VAMP3: variants seen among roughly 807,000 people sequenced by gnomAD.
VAMP3 encodes the protein vesicle-associated membrane protein 3.
VAMP3 carries 11 observed loss-of-function variants against 18.1 expected under a neutral mutation model. The ratio of observed to expected loss-of-function variants is 0.61; its 90% CI spans 0.38 to 1.00. VAMP3 has a LOEUF of 1.00. Among genes scored for constraint, VAMP3 ranks in the 50% least tolerant of loss-of-function variants. VAMP3 has a pLI of 0.01. For synonymous variants in VAMP3, 49 were observed against 43.1 expected (o/e 1.14, Z -0.53); for missense variants, 122 against 127.3 (o/e 0.96, Z 0.20).
At chr1:7,772,085 G>A (rs1008755630) in intron 1 of VAMP3, among the ~76,000 whole-genome samples, 6 of 152,216 alleles carry the variant, frequency 3.9e-5, no homozygotes, top group Non-Finnish European at 7.3e-5. Context: ...CAGTGGTTAA[G>A]ATCTAGAGCC....
chr1:7,777,440 A>C (rs2097054848), intron 3 of VAMP3, 122 bp downstream of exon 3: 35 of 1,244,474 alleles, frequency 2.8e-5, no homozygotes, highest in Non-Finnish European at 3.7e-5. Flanking sequence ...TCCACATGGA[A>C]ATGTGGGTCC....
At chr1:7,777,641 G>T (rs2097054940) in intron 3 of VAMP3, among the ~76,000 whole-genome samples, 1 of 152,202 alleles carries the variant, frequency 6.6e-6, no homozygotes, top group African/African-American at 2.4e-5. Flanking sequence ...GAATTGGTCA[G>T]TTTTCTCGTA....
At chr1:7,777,989 TATTA>T (rs766409593) in intron 3 of VAMP3, 125 bp from the exon 4 acceptor site, 31 of 940,488 alleles carry the variant, frequency 3.3e-5, no homozygotes, top group South Asian at 5.0e-5. Flanking sequence ...CTTTAGAAAT[TATTA>T]ATTACTCCAG....
In VAMP3 at chr1:7,780,499, C is replaced by T. The variant is rs1193574785; in HGVS notation, c.*854C>T. On this transcript the variant is annotated 3_prime_UTR_variant, in exon 5 of 5. Coordinates refer to ENST00000054666, the MANE Select transcript of VAMP3 (RefSeq NM_004781.4). ...TTGAAAGGCTGTAGACAGTGTGGCT[C>T]CCCTTCTGATTCAGTATTTTGCATG... 2.0e-5 allele frequency: 3 copies of T among 152,596 alleles called. No homozygotes were observed. The highest frequency in any genetic ancestry group is 2.9e-5 in the Non-Finnish European group (2 of 68,030). The allele number at this position is 152,596 out of a possible 1,614,324, so 9.5% of individuals were successfully genotyped here. A position where few individuals can be genotyped will look rare whatever the true frequency, so the allele number is the denominator to read the frequency against.
At chr1:7,779,084 A>G (rs573791867) in intron 4 of VAMP3, among the ~76,000 whole-genome samples, 1 of 152,174 alleles carries the variant, frequency 6.6e-6, no homozygotes, top group South Asian at 2.1e-4. Flanking sequence ...AGTCCCAGCT[A>G]CTGGGGAGGC....
rs1558355264 is a variant in VAMP3 at position 7,781,268 on chromosome 1, C to A, written c.*1623C>A. The A allele has an allele frequency of 1.3e-5, 2 of 152,848 alleles. No individual in the cohort carries two copies. Among genetic ancestry groups the A allele is most frequent in the African/African-American group, 2.4e-5 (1 of 41,454 alleles). 9.5% of individuals were successfully genotyped at this position (152,848 alleles called of 1,614,324 possible). ...TCCACCTTCAGCGCAGGGTCTCTGG[C>A]CGGGTCTGACTCAGAAACCTTGGTA... is the stretch of plus-strand genomic sequence containing the variant. On this transcript the variant is annotated 3_prime_UTR_variant, in exon 5 of 5. Coordinates refer to ENST00000054666, the MANE Select transcript of VAMP3 (RefSeq NM_004781.4).
rs548677875 is a variant in VAMP3 at position 7,775,329 on chromosome 1, AT to A, written c.73-1823del. Among the ~76,000 whole-genome samples the A allele has an allele frequency of 2.7e-3, 405 of 151,140 alleles. 1 individual carries two copies. Among genetic ancestry groups the A allele is most frequent in the African/African-American group, 8.7e-3 (357 of 41,222 alleles). On this transcript the variant is annotated intron_variant, in intron 2 of 4. Coordinates refer to ENST00000054666, the MANE Select transcript of VAMP3 (RefSeq NM_004781.4). The stretch of plus-strand genomic sequence containing the variant: ...TCCCATTCTGTGGCTTGTCTTTTAC[AT>A]TTTTTTTATTTTTTTTATTTTTATT...
chr1:7,775,847 C>T (rs922522646), intron 2 of VAMP3, among the ~76,000 whole-genome samples: 1 of 152,102 alleles, frequency 6.6e-6, no homozygotes, highest in African/African-American at 2.4e-5. Flanking sequence ...TTTTGAGTTA[C>T]TTTTTGTATA....
At position 7,773,203 on chromosome 1, in the gene VAMP3, G is replaced by A. The variant is rs1577563396; in HGVS notation, c.3-239G>A. The A allele has an allele frequency of 8.0e-6, 4 of 502,788 alleles. No individual in the cohort carries two copies. In the East Asian group the frequency reaches 1.0e-4, roughly 13 times the overall value. The allele number at this position is 502,788 out of a possible 1,614,324, so 31.1% of individuals were successfully genotyped here. The stretch of plus-strand genomic sequence containing the variant: ...CAGATACTTCAGGGATACAAAGTAG[G>A]TCCTATTAAAGCTTAACATTTGTCC... On this transcript the variant is annotated intron_variant, in intron 1 of 4. Transcript: ENST00000054666.
Position 7,779,745 on chromosome 1 carries a change from AT to A in VAMP3, c.*108del, listed in dbSNP as rs998810170. 66 of 1,527,114 alleles carry A rather than the reference AT, an allele frequency of 4.3e-5. No individual in the cohort carries two copies. The highest frequency in any genetic ancestry group is 7.2e-5 in the South Asian group (6 of 83,888). 94.6% of individuals were successfully genotyped at this position (1,527,114 alleles called of 1,614,324 possible). ...AAGCTTACCTACTGTTATCTCTAAAATTTTTTTTGTGTTAATGTAAAGTTGA... is the reference window on the plus strand; with the variant it reads ...AAGCTTACCTACTGTTATCTCTAAAATTTTTTTGTGTTAATGTAAAGTTGA... On this transcript the variant is annotated 3_prime_UTR_variant, in exon 5 of 5. Transcript: ENST00000054666.
Position 7,778,147 on chromosome 1 carries a change from T to C in VAMP3, c.261T>C (p.Val87=), listed in dbSNP as rs1384949370. The part of the protein sequence containing the change: ...KMWAIGITVL[V]IFIIIIIVWV... The stretch of plus-strand genomic sequence containing the variant: ...GGGCAATCGGGATTACTGTTCTGGT[T>C]ATCTTCATCATCATCATCATCGGTG... The change falls in exon 4 of 5, where the codon GTT becomes GTC. Residue 87 remains valine, a synonymous_variant. Transcript: ENST00000054666. 1 of 1,614,246 alleles carries C rather than the reference T, an allele frequency of 6.2e-7. No homozygotes were observed. Among genetic ancestry groups the C allele is most frequent in the South Asian group, 1.1e-5 (1 of 91,082 alleles).
At chr1:7,774,553 C>T (rs1310439383) in intron 2 of VAMP3, among the ~76,000 whole-genome samples, 1 of 152,200 alleles carries the variant, frequency 6.6e-6, no homozygotes, top group Non-Finnish European at 1.5e-5. Context: ...ATTTAGTAAT[C>T]ATTCACTATT....
Position 7,777,186 on chromosome 1 carries a change from G to C in VAMP3, c.99G>C (p.Val33=). Residue 33 remains valine, a synonymous_variant, in exon 3 of 5, where the codon GTG becomes GTC. Coordinates refer to ENST00000054666, the MANE Select transcript of VAMP3 (RefSeq NM_004781.4). ...TGGTGGACATAATGCGAGTTAACGT[G>C]GACAAGGTTCTGGAAAGAGACCAGA... ...DEVVDIMRVN[V]DKVLERDQKL... is the part of the protein sequence containing the mutation. 7 of 1,613,176 alleles carry C rather than the reference G, an allele frequency of 4.3e-6. No individual in the cohort carries two copies. The highest frequency in any genetic ancestry group is 5.9e-6 in the Non-Finnish European group (7 of 1,179,610).
At chr1:7,775,864 G>A (rs531847231) in intron 2 of VAMP3, among the ~76,000 whole-genome samples, 3 of 152,312 alleles carry the variant, frequency 2.0e-5, no homozygotes, top group Admixed American at 2.0e-4. Context: ...TATATAGGGT[G>A]AGGTGGGGAT....
chr1:7,778,360 G>A lies in VAMP3; in HGVS notation c.283+191G>A, dbSNP rs186584801. Among the ~76,000 whole-genome samples, 120 of 152,142 alleles carry A rather than the reference G, an allele frequency of 7.9e-4. 1 individual carries two copies. The highest frequency in any genetic ancestry group is 2.5e-3 in the African/African-American group (105 of 41,506). On this transcript the variant is annotated intron_variant, in intron 4 of 4. Transcript: ENST00000054666. ...TTGAGACCAGCCTGGGCAACATAGC[G>A]TCTCTACAAACAATTGTTAATAATT...
intron 2 of VAMP3, among the ~76,000 whole-genome samples, chr1:7,775,615 C>A (rs556225557): frequency 6.6e-6 from 1 of 152,324 alleles, no homozygotes; most frequent in South Asian, 2.1e-4. Flanking sequence ...TCCCAAAGTG[C>A]TGGGAATATA....
intron 4 of VAMP3, among the ~76,000 whole-genome samples, chr1:7,779,384 A>G (rs539999280): frequency 2.6e-5 from 4 of 152,204 alleles, no homozygotes; most frequent in Admixed American, 6.5e-5. Context: ...GACTTCTTTC[A>G]TTGATAGATG....
At chr1:7,773,558 T>G (rs779729815) in intron 2 of VAMP3, 47 bp downstream of exon 2, 12 of 1,516,066 alleles carry the variant, frequency 7.9e-6, no homozygotes, top group Admixed American at 1.7e-5. Context: ...CAAATATGAG[T>G]ACTCTGGAAA....
At chr1:7,779,026 T>A (rs1235259030) in intron 4 of VAMP3, among the ~76,000 whole-genome samples, 7 of 152,106 alleles carry the variant, frequency 4.6e-5, no homozygotes, top group Admixed American at 3.3e-4. Context: ...AAACCCCGTC[T>A]CTACTAAAAA....
Sources: allele counts gnomAD v4.1 joint callset (sites outside exome capture counted in the v4.1 genomes callset), GRCh38; gene constraint gnomAD v4.1.1; transcripts MANE v1.5; gene names NCBI Gene and HGNC (gene_info 2026-07-23, HGNC 2026-07-21).